FCHSD2: variants seen among roughly 807,000 people sequenced by gnomAD.
The protein encoded by FCHSD2 is FCH and double SH3 domains 2, also known as F-BAR and double SH3 domains protein 2.
In FCHSD2, 38 loss-of-function variants were observed where a neutral mutation model predicts 108.1. That is an observed-to-expected ratio of 0.35 (90% CI 0.27 to 0.46). The LOEUF (loss-of-function observed/expected upper bound fraction) is 0.46. FCHSD2 is among the 20% of genes least tolerant of loss of function. FCHSD2 has a pLI of 1.00. For missense variants in FCHSD2, 751 were observed against 897.8 expected, an observed-to-expected ratio of 0.84 and a Z score of 2.09; for synonymous variants, 279 against 314.7, an observed-to-expected ratio of 0.89 and a Z score of 1.20.
chr11:72,871,059 A>C (rs1005998472), intron 12 of FCHSD2, among the ~76,000 whole-genome samples: 2 of 152,220 alleles, frequency 1.3e-5, no homozygotes, highest in Non-Finnish European at 2.9e-5. Context: ...CCTATTCTCC[A>C]AATTCAAGAA....
chr11:73,098,529 T>C (rs1415977795), intron 2 of FCHSD2, among the ~76,000 whole-genome samples: 1 of 152,126 alleles, frequency 6.6e-6, no homozygotes, highest in African/African-American at 2.4e-5. Flanking sequence ...CTTCATTGGG[T>C]GGAGTGTTCT....
chr11:72,904,905 C>T (rs1189915133), intron 9 of FCHSD2, among the ~76,000 whole-genome samples: 1 of 152,176 alleles, frequency 6.6e-6, no homozygotes, highest in Admixed American at 6.5e-5. Context: ...ATTTTTATTA[C>T]ATCCTTGTAG....
At chr11:72,987,397 T>C (rs1271186801) in intron 6 of FCHSD2, among the ~76,000 whole-genome samples, 1 of 152,238 alleles carries the variant, frequency 6.6e-6, no homozygotes, top group Non-Finnish European at 1.5e-5. Flanking sequence ...TATTAGTTAA[T>C]ATTAAGTGAC....
At chr11:72,884,781 A>G (rs1221168048) in intron 12 of FCHSD2, among the ~76,000 whole-genome samples, 4 of 151,952 alleles carry the variant, frequency 2.6e-5, no homozygotes, top group African/African-American at 4.8e-5. Flanking sequence ...TTTGTAACAG[A>G]GACGATGTCT....
At chr11:73,112,917 C>T (rs1350168619) in intron 2 of FCHSD2, among the ~76,000 whole-genome samples, 6 of 152,168 alleles carry the variant, frequency 3.9e-5, no homozygotes, top group Non-Finnish European at 7.3e-5. Context: ...CCACCCACCT[C>T]GGCCTCCCAA....
chr11:72,912,857 T>C (rs1292574409), intron 9 of FCHSD2, among the ~76,000 whole-genome samples: 1 of 152,190 alleles, frequency 6.6e-6, no homozygotes, highest in Non-Finnish European at 1.5e-5. Flanking sequence ...TCTTGGTAGG[T>C]GTATTAGTCC....
At chr11:73,111,846 C>T (rs974129488) in intron 2 of FCHSD2, among the ~76,000 whole-genome samples, 3 of 152,098 alleles carry the variant, frequency 2.0e-5, no homozygotes, top group African/African-American at 7.2e-5. Context: ...ACACTGATTG[C>T]ATAAACAAAC....
chr11:72,852,816 A>G (rs1400748956), intron 13 of FCHSD2, among the ~76,000 whole-genome samples: 1 of 152,252 alleles, frequency 6.6e-6, no homozygotes, highest in Non-Finnish European at 1.5e-5. Flanking sequence ...AGGCAGCCAC[A>G]AAAAAGAATG....
chr11:73,077,183 C>T (rs1252516827), intron 3 of FCHSD2, among the ~76,000 whole-genome samples: 1 of 148,264 alleles, frequency 6.7e-6, no homozygotes, highest in East Asian at 2.0e-4. Context: ...TGTTTGAAAA[C>T]TTTAATAATA....
At chr11:73,054,348 G>A (rs1858971428) in intron 3 of FCHSD2, among the ~76,000 whole-genome samples, 2 of 151,138 alleles carry the variant, frequency 1.3e-5, no homozygotes, top group South Asian at 4.2e-4. Flanking sequence ...CCCTTAAAAC[G>A]ATTAAACATT....
At chr11:72,867,789 T>C in intron 13 of FCHSD2, 76 bp downstream of exon 13, 1 of 1,328,974 alleles carries the variant, frequency 7.5e-7, no homozygotes, top group East Asian at 2.5e-5. Flanking sequence ...ATTTTGGCTA[T>C]TATTAAGTTT....
intron 13 of FCHSD2, among the ~76,000 whole-genome samples, chr11:72,856,156 G>GCTA (rs1405112863): frequency 6.6e-6 from 1 of 152,138 alleles, no homozygotes; most frequent in Non-Finnish European, 1.5e-5. Context: ...AGAAAACTAC[G>GCTA]CTAGCCTCTT....
intron 8 of FCHSD2, among the ~76,000 whole-genome samples, chr11:72,981,216 T>G (rs1239894059): frequency 6.6e-6 from 1 of 152,210 alleles, no homozygotes; most frequent in Non-Finnish European, 1.5e-5. Context: ...CCTGCCTCTA[T>G]TTTTAATCAG....
At chr11:72,902,809 A>T (rs1855553989) in intron 9 of FCHSD2, among the ~76,000 whole-genome samples, 171 bp from the exon 10 acceptor site, 1 of 152,232 alleles carries the variant, frequency 6.6e-6, no homozygotes, top group African/African-American at 2.4e-5. Flanking sequence ...GACAATGGTT[A>T]TTATTTATCT....
intron 8 of FCHSD2, among the ~76,000 whole-genome samples, chr11:72,960,159 C>T (rs1591437141): frequency 1.3e-5 from 2 of 152,094 alleles, no homozygotes; most frequent in East Asian, 3.8e-4. Flanking sequence ...AGCTTACAGT[C>T]ATAGTGGAAG....
chr11:73,117,856 A>AT (rs1860640217), intron 2 of FCHSD2, among the ~76,000 whole-genome samples: 1 of 152,232 alleles, frequency 6.6e-6, no homozygotes, highest in Non-Finnish European at 1.5e-5. Flanking sequence ...ATTGTAGACA[A>AT]TAATACTCTT....
chr11:72,980,638 T>G (rs1857194339), intron 8 of FCHSD2, among the ~76,000 whole-genome samples: 1 of 150,598 alleles, frequency 6.6e-6, no homozygotes, highest in South Asian at 2.1e-4. Context: ...CACTCTAATT[T>G]GCAATCATGT....
intron 8 of FCHSD2, among the ~76,000 whole-genome samples, chr11:72,958,608 T>G (rs1856760340): frequency 6.6e-6 from 1 of 152,164 alleles, no homozygotes; most frequent in South Asian, 2.1e-4. Flanking sequence ...AGTGAGTATT[T>G]CAATATTTTC....
At position 72,922,076 on chromosome 11, in the gene FCHSD2, G is replaced by A. The variant is rs1241177168; in HGVS notation, c.706-126C>T. 12 of 612,558 alleles carry A rather than the reference G, an allele frequency of 2.0e-5. No individual in the cohort carries two copies. In the Admixed American group the frequency reaches 3.3e-4, roughly 17 times the overall value. 37.9% of individuals were successfully genotyped at this position (612,558 alleles called of 1,614,324 possible). A position where few individuals can be genotyped will look rare whatever the true frequency, so the allele number is the denominator to read the frequency against. On this transcript the variant is annotated intron_variant, in intron 8 of 19. Coordinates refer to ENST00000409418, the MANE Select transcript of FCHSD2 (RefSeq NM_014824.3). ...TATTATTAATAATAAATGGACAAAAGATACAGATTGTAAGTAAATATGAAC... is the reference window on the plus strand; with the variant it reads ...TATTATTAATAATAAATGGACAAAAAATACAGATTGTAAGTAAATATGAAC...
Sources: gnomAD v4.1 joint callset for allele counts (sites outside exome capture counted in the v4.1 genomes callset) on GRCh38, gnomAD v4.1.1 for gene constraint, MANE v1.5 for transcripts, NCBI Gene and HGNC (gene_info 2026-07-23, HGNC 2026-07-21) for gene names.